KSR2: variants seen among roughly 807,000 people sequenced by gnomAD.
KSR2 encodes kinase suppressor of ras 2.
Under a neutral mutation model 107.8 loss-of-function variants are expected in KSR2, and 25 were observed. The observed-to-expected ratio is 0.23, with a 90% CI of 0.17 to 0.32. The LOEUF is 0.32. Ranked by LOEUF, KSR2 falls within the 10% of genes least tolerant of loss-of-function variation. The probability of loss-of-function intolerance (pLI) is 1.00; values close to 1 mark genes in which losing one functional copy is unlikely to be tolerated. For synonymous variants in KSR2, 480 were observed against 507.0 expected (o/e 0.95, Z 0.71); for missense variants, 887 against 1,268.9 (o/e 0.70, Z 4.57).
At chr12:117,581,714 A>T (rs996587346) in intron 6 of KSR2, among the ~76,000 whole-genome samples, 34 of 152,298 alleles carry the variant, frequency 2.2e-4, no homozygotes, top group African/African-American at 8.2e-4. Flanking sequence ...CTAAAAGGGC[A>T]GGTATAGCCC....
At chr12:117,664,905 G>T (rs1318958221) in intron 5 of KSR2, among the ~76,000 whole-genome samples, 1 of 152,102 alleles carries the variant, frequency 6.6e-6, no homozygotes, top group African/African-American at 2.4e-5. Context: ...CAGAGACAGA[G>T]GCCACAAAGG....
chr12:117,628,258 C>A (rs1338580749), intron 5 of KSR2, among the ~76,000 whole-genome samples: 1 of 152,170 alleles, frequency 6.6e-6, no homozygotes, highest in African/African-American at 2.4e-5. Context: ...GAGCTGCAAT[C>A]CTTTGGAGGA....
intron 5 of KSR2, among the ~76,000 whole-genome samples, chr12:117,605,467 GT>G (rs1178911873): frequency 9.9e-5 from 15 of 152,168 alleles, no homozygotes; most frequent in Non-Finnish European, 4.4e-5. Flanking sequence ...TGCCATGGTG[GT>G]TTGCTACACC....
rs5801257 is a variant in KSR2 at position 117,861,378 on chromosome 12, CTTTTTTTTTT to C, written c.181-957_181-948del. Among the ~76,000 whole-genome samples, 71 of 81,686 alleles carry C rather than the reference CTTTTTTTTTT, an allele frequency of 8.7e-4. 1 individual carries two copies. Among genetic ancestry groups the C allele is most frequent in the East Asian group, 7.4e-3 (22 of 2,958 alleles). 53.6% of individuals were successfully genotyped at this position (81,686 alleles called of 152,430 possible). On this transcript the variant is annotated intron_variant, in intron 1 of 19. Coordinates refer to ENST00000339824, the MANE Select transcript of KSR2 (RefSeq NM_173598.6). Reference sequence around the variant, plus strand: ...TCTGTCCACAAGGACTCCCAATTCGCTTTTTTTTTTTTTTTTTTTTTTTTTTTTGAGATGG... The same window carrying C: ...TCTGTCCACAAGGACTCCCAATTCGCTTTTTTTTTTTTTTTTTTGAGATGG...
At chr12:117,532,796 G>C (rs947201570) in intron 10 of KSR2, among the ~76,000 whole-genome samples, 3 of 152,132 alleles carry the variant, frequency 2.0e-5, no homozygotes, top group Admixed American at 1.3e-4. Flanking sequence ...TTGGGGGCAG[G>C]GGACACAGAG....
intron 4 of KSR2, among the ~76,000 whole-genome samples, chr12:117,718,137 C>T (rs1034626752): frequency 5.9e-5 from 9 of 152,120 alleles, no homozygotes; most frequent in Non-Finnish European, 1.2e-4. Flanking sequence ...ATAATGCATT[C>T]GAAAATTACT....
intron 3 of KSR2, among the ~76,000 whole-genome samples, chr12:117,803,232 G>T (rs910577286): frequency 6.6e-5 from 10 of 152,144 alleles, no homozygotes; most frequent in Non-Finnish European, 1.0e-4. Flanking sequence ...AGCAACACCT[G>T]GGGGAAGGAA....
At chr12:117,735,530 C>G (rs1412199881) in intron 4 of KSR2, among the ~76,000 whole-genome samples, 1 of 152,178 alleles carries the variant, frequency 6.6e-6, no homozygotes, top group Non-Finnish European at 1.5e-5. Flanking sequence ...TCCTAGGGAC[C>G]TCATCCCTGA....
chr12:117,827,857 G>A (rs1424903610), intron 3 of KSR2, among the ~76,000 whole-genome samples: 2 of 152,218 alleles, frequency 1.3e-5, no homozygotes, highest in African/African-American at 4.8e-5. Flanking sequence ...CACACAGCTA[G>A]TAGGCAGCAA....
intron 9 of KSR2, among the ~76,000 whole-genome samples, chr12:117,548,722 G>A (rs997004604): frequency 2.0e-5 from 3 of 152,156 alleles, no homozygotes; most frequent in South Asian, 2.1e-4. Flanking sequence ...CTTCCTGGAA[G>A]CAGAGTAACT....
chr12:117,839,841 C>T (rs554717702), intron 3 of KSR2, among the ~76,000 whole-genome samples: 54 of 152,218 alleles, frequency 3.5e-4, no homozygotes, highest in African/African-American at 1.3e-3. Context: ...AGCATCCTGC[C>T]CCACCAGGCA....
chr12:117,671,906 C>CTATT (rs1224954112), intron 4 of KSR2, among the ~76,000 whole-genome samples: 1 of 151,822 alleles, frequency 6.6e-6, no homozygotes, highest in Non-Finnish European at 1.5e-5. Flanking sequence ...TCAGAAAAGT[C>CTATT]TATTGGTTTA....
chr12:117,639,260 T>C (rs1399920540), intron 5 of KSR2, among the ~76,000 whole-genome samples: 9 of 152,080 alleles, frequency 5.9e-5, no homozygotes, highest in Admixed American at 3.9e-4. Flanking sequence ...ATTATAAACA[T>C]ATACATATAA....
intron 3 of KSR2, among the ~76,000 whole-genome samples, chr12:117,815,873 GC>G (rs1891347500): frequency 6.6e-6 from 1 of 151,982 alleles, no homozygotes; most frequent in Non-Finnish European, 1.5e-5. Context: ...TACTCGGGAG[GC>G]TGAGGCAGGA....
At chr12:117,565,694 G>A (rs1878442315) in intron 7 of KSR2, among the ~76,000 whole-genome samples, 1 of 152,168 alleles carries the variant, frequency 6.6e-6, no homozygotes, top group Admixed American at 6.5e-5. Context: ...ATTAGATTCT[G>A]TTGGAGATAA....
At chr12:117,921,200 G>A (rs1262656811) in intron 1 of KSR2, among the ~76,000 whole-genome samples, 1 of 152,158 alleles carries the variant, frequency 6.6e-6, no homozygotes, top group African/African-American at 2.4e-5. Context: ...AACTGCATGA[G>A]CCAATATACG....
chr12:117,469,148 T>C (rs1871295876), intron 19 of KSR2, among the ~76,000 whole-genome samples: 1 of 152,042 alleles, frequency 6.6e-6, no homozygotes, highest in Non-Finnish European at 1.5e-5. Context: ...GGGAGGAGCA[T>C]GGTCTGGAGC....
chr12:117,774,412 C>G (rs1889614839), intron 3 of KSR2, among the ~76,000 whole-genome samples: 1 of 152,184 alleles, frequency 6.6e-6, no homozygotes, highest in Non-Finnish European at 1.5e-5. Context: ...AACCCTGGGT[C>G]TCGTTGGGCA....
chr12:117,817,223 A>G (rs1213830444), intron 3 of KSR2, among the ~76,000 whole-genome samples: 3 of 152,216 alleles, frequency 2.0e-5, no homozygotes, highest in African/African-American at 7.2e-5. Flanking sequence ...TCCTCCGGAA[A>G]ATAAAGTTTG....
Sources: allele counts gnomAD v4.1 joint callset (sites outside exome capture counted in the v4.1 genomes callset), GRCh38; gene constraint gnomAD v4.1.1; transcripts MANE v1.5; gene names NCBI Gene and HGNC (gene_info 2026-07-23, HGNC 2026-07-21).